The following MB21D2 variants were observed in gnomAD, a reference collection of about 807,000 sequenced individuals.
MB21D2 encodes nucleotidyltransferase MB21D2.
A neutral mutation model predicts 33.3 loss-of-function variants in MB21D2; 9 were observed. The ratio of observed to expected loss-of-function variants is 0.27; its 90% CI spans 0.16 to 0.47. MB21D2 has a LOEUF of 0.47. MB21D2 is among the 20% of genes least tolerant of loss of function. The pLI is 0.99. For missense variants in MB21D2, 540 were observed against 624.6 expected, an observed-to-expected ratio of 0.86 and a Z score of 1.44; for synonymous variants, 241 against 236.3, an observed-to-expected ratio of 1.02 and a Z score of -0.18.
intron 1 of MB21D2, among the ~76,000 whole-genome samples, chr3:192,859,913 C>T (rs921541343): frequency 1.6e-4 from 24 of 152,166 alleles, no homozygotes; most frequent in African/African-American, 5.6e-4. Flanking sequence ...ATAGCACCAA[C>T]GACAGGTTCC....
rs983607338 is a variant in MB21D2, at chr3:192,796,830, GTTTC to G, written c.*1552_*1555del. ...AACAACAAAATTTCAAGGCCAGTATGTTTCTTTTTTTATTATTTTTGTGTTTGAC... is the reference window on the plus strand; with the variant it reads ...AACAACAAAATTTCAAGGCCAGTATGTTTTTTTATTATTTTTGTGTTTGAC... On this transcript the variant is annotated 3_prime_UTR_variant, in exon 2 of 2. Coordinates refer to ENST00000392452, the MANE Select transcript of MB21D2 (RefSeq NM_178496.4). The G allele has an allele frequency of 1.3e-5, 2 of 152,122 alleles. No individual in the cohort carries two copies. The highest frequency in any genetic ancestry group is 6.6e-5 in the Admixed American group (1 of 15,258). 9.4% of individuals were successfully genotyped at this position (152,122 alleles called of 1,614,324 possible).
At chr3:192,877,877 G>A (rs773221670) in intron 1 of MB21D2, among the ~76,000 whole-genome samples, 2 of 151,784 alleles carry the variant, frequency 1.3e-5, no homozygotes, top group Non-Finnish European at 2.9e-5. Context: ...GGGCATTTCT[G>A]TTGTCAGAAC....
rs186687422 is a variant in MB21D2, at chr3:192,838,514, C to T, written c.212-38864G>A. 4.7e-4 allele frequency among the ~76,000 whole-genome samples: 71 copies of T among 151,670 alleles called. 1 individual carries two copies. The East Asian group carries it at 0.011, about 22-fold the overall frequency. Reference sequence around the variant, plus strand: ...CGCGATCTCGGCTCACTGCAAACTCCGCCTCCCGGGTTCACACCATTCTCC... The same window carrying T: ...CGCGATCTCGGCTCACTGCAAACTCTGCCTCCCGGGTTCACACCATTCTCC... On this transcript the variant is annotated intron_variant, in intron 1 of 1. Transcript: ENST00000392452.
chr3:192,819,047 G>GCTGAC (rs769326375), intron 1 of MB21D2, among the ~76,000 whole-genome samples: 1 of 152,072 alleles, frequency 6.6e-6, no homozygotes, highest in Non-Finnish European at 1.5e-5. Flanking sequence ...GGCAAGACAG[G>GCTGAC]CTGACCTGAC....
intron 1 of MB21D2, among the ~76,000 whole-genome samples, chr3:192,803,947 G>T (rs1340988357): frequency 1.3e-5 from 2 of 152,142 alleles, no homozygotes; most frequent in Non-Finnish European, 2.9e-5. Context: ...CCTTGGGTGG[G>T]TCTCTTCTTT....
intron 1 of MB21D2, among the ~76,000 whole-genome samples, chr3:192,905,507 G>A (rs1714190598): frequency 6.6e-6 from 1 of 151,734 alleles, no homozygotes; most frequent in Non-Finnish European, 1.5e-5. Flanking sequence ...GGTGGTGTCA[G>A]GCGCCTGTAA....
intron 1 of MB21D2, among the ~76,000 whole-genome samples, chr3:192,844,701 G>A (rs1451982364): frequency 6.6e-6 from 1 of 152,134 alleles, no homozygotes; most frequent in Non-Finnish European, 1.5e-5. Context: ...GAGGCTCCAG[G>A]GCGAGAGGAA....
rs566184525 is a variant in MB21D2 at position 192,869,205 on chromosome 3, A to G, written c.211+48425T>C. Among the ~76,000 whole-genome samples the G allele has an allele frequency of 3.3e-5, 5 of 150,004 alleles. No individual in the cohort carries two copies. In the East Asian group the frequency reaches 1.0e-3, roughly 31 times the overall value. ...CGGGAGGCAGAGACTGCAGTGAGCC[A>G]AGATGGAGCCACTGCACTCCAGCCT... On this transcript the variant is annotated intron_variant, in intron 1 of 1. Transcript: ENST00000392452.
In MB21D2 at chr3:192,836,945, T is replaced by G. The variant is rs552482951; in HGVS notation, c.212-37295A>C. 5.9e-5 allele frequency among the ~76,000 whole-genome samples: 9 copies of G among 152,270 alleles called. No individual in the cohort carries two copies. The East Asian group carries it at 1.7e-3, about 29-fold the overall frequency. ...ACGTACCTCAGACATCTGTACTTTT[T>G]TCTTCTTAAAAAATGCAGATGATAC... On this transcript the variant is annotated intron_variant, in intron 1 of 1. Coordinates refer to ENST00000392452, the MANE Select transcript of MB21D2 (RefSeq NM_178496.4).
intron 1 of MB21D2, among the ~76,000 whole-genome samples, chr3:192,880,203 C>CCCCACTGCCCGTG (rs1713529714): frequency 4.0e-5 from 6 of 150,932 alleles, no homozygotes; most frequent in African/African-American, 1.2e-4. Context: ...AAAAATTAGC[C>CCCCACTGCCCGTG]AGGCGTGGTG....
At chr3:192,867,893 G>C (rs1713203394) in intron 1 of MB21D2, among the ~76,000 whole-genome samples, 1 of 152,126 alleles carries the variant, frequency 6.6e-6, no homozygotes, top group South Asian at 2.1e-4. Flanking sequence ...AGGCTGTCAT[G>C]CTATGAGAAA....
intron 1 of MB21D2, among the ~76,000 whole-genome samples, chr3:192,891,051 G>T (rs1443930104): frequency 6.6e-6 from 1 of 152,130 alleles, no homozygotes; most frequent in Admixed American, 6.5e-5. Flanking sequence ...CGCAGGGGGA[G>T]ACTTATTTAA....
intron 1 of MB21D2, among the ~76,000 whole-genome samples, chr3:192,823,582 GAGGC>G (rs1712104517): frequency 6.6e-6 from 1 of 152,120 alleles, no homozygotes; most frequent in Non-Finnish European, 1.5e-5. Context: ...TTGAACCTGG[GAGGC>G]AGAGGTTGCA....
At chr3:192,877,121 C>T (rs986714401) in intron 1 of MB21D2, among the ~76,000 whole-genome samples, 11 of 152,250 alleles carry the variant, frequency 7.2e-5, no homozygotes, top group African/African-American at 2.2e-4. Context: ...CCCAAGACCC[C>T]GTACTACAAC....
chr3:192,904,916 T>C (rs2108653327), intron 1 of MB21D2, among the ~76,000 whole-genome samples: 1 of 152,294 alleles, frequency 6.6e-6, no homozygotes. Context: ...CTGACCTAGG[T>C]GGACCATCTT....
At chr3:192,836,373 G>A (rs1445823565) in intron 1 of MB21D2, among the ~76,000 whole-genome samples, 1 of 152,202 alleles carries the variant, frequency 6.6e-6, no homozygotes, top group African/African-American at 2.4e-5. Context: ...TATGGGCTAA[G>A]TTGTGGACTC....
rs554217010 is a variant in MB21D2, at chr3:192,898,293, C to T, written c.211+19337G>A. ...CTGGTCTTAAACTCCTAAACTTAAGCATCCTCCTGCCTCAACCTCCCAAGC... is the reference window on the plus strand; with the variant it reads ...CTGGTCTTAAACTCCTAAACTTAAGTATCCTCCTGCCTCAACCTCCCAAGC... On this transcript the variant is annotated intron_variant, in intron 1 of 1. Coordinates refer to ENST00000392452, the MANE Select transcript of MB21D2 (RefSeq NM_178496.4). Among the ~76,000 whole-genome samples, 6 of 150,896 alleles carry T rather than the reference C, an allele frequency of 4.0e-5. No individual in the cohort carries two copies. The South Asian group carries it at 1.3e-3, about 31-fold the overall frequency.
chr3:192,840,654 T>C (rs1560236410), intron 1 of MB21D2, among the ~76,000 whole-genome samples: 1 of 152,080 alleles, frequency 6.6e-6, no homozygotes, highest in African/African-American at 2.4e-5. Context: ...CCCAGATGAC[T>C]TAATGAGAAA....
At chr3:192,884,717 G>C (rs2108644388) in intron 1 of MB21D2, among the ~76,000 whole-genome samples, 1 of 152,190 alleles carries the variant, frequency 6.6e-6, no homozygotes, top group Admixed American at 6.5e-5. Context: ...GAAAATCTGA[G>C]GCTGAATGGA....
Sources: allele counts gnomAD v4.1 joint callset (sites outside exome capture counted in the v4.1 genomes callset), GRCh38; gene constraint gnomAD v4.1.1; transcripts MANE v1.5; gene names NCBI Gene and HGNC (gene_info 2026-07-23, HGNC 2026-07-21).